Variants in LRRC61 observed in about 807,000 individuals in gnomAD.
LRRC61 encodes the protein leucine rich repeat containing 61.
Under a neutral mutation model 15.1 loss-of-function variants are expected in LRRC61, and 9 were observed. That is an observed-to-expected ratio of 0.60 (90% CI 0.36 to 1.04). The LOEUF (loss-of-function observed/expected upper bound fraction) is 1.04, where lower values mean the gene tolerates loss of function less well. LRRC61 is among the 50% of genes least tolerant of loss of function. The probability of loss-of-function intolerance (pLI) is 0.01; values close to 1 mark genes in which losing one functional copy is unlikely to be tolerated. For synonymous variants in LRRC61, 173 were observed against 158.6 expected, an observed-to-expected ratio of 1.09 and a Z score of -0.68; for missense variants, 344 against 335.6, an observed-to-expected ratio of 1.03 and a Z score of -0.20.
In LRRC61 at chr7:150,330,443, G is replaced by C; in HGVS notation, c.-145+4433G>C. 6.4e-6 allele frequency: 5 copies of C among 776,546 alleles called. No homozygotes were observed. Among genetic ancestry groups the C allele is most frequent in the Non-Finnish European group, 9.6e-6 (4 of 418,102 alleles). The allele number at this position is 776,546 out of a possible 1,614,324, so 48.1% of individuals were successfully genotyped here. On this transcript the variant is annotated intron_variant, in intron 2 of 2. Transcript: ENST00000359623. This position sits in a 1 kb window ranked among gnomAD's most constrained non-coding sequence, Gnocchi z 4.6. ...AGGCGAGTGCGGCACAGGCCTCTCT[G>C]AGCCAGGTGCTGCCCCAGCTGCGCT... is the stretch of plus-strand genomic sequence containing the variant.
Position 150,333,463 on chromosome 7 carries a change from G to A in LRRC61, c.-144-3255G>A, listed in dbSNP as rs1407295761. Among the ~76,000 whole-genome samples, 1 of 152,194 alleles carries A rather than the reference G, an allele frequency of 6.6e-6. No individual in the cohort carries two copies. The highest frequency in any genetic ancestry group is 1.5e-5 in the Non-Finnish European group (1 of 68,028). Reference sequence around the variant, plus strand: ...CCAGATGGCAGTAATGCCAGGGTTGGGAAGCCCTCTTCTAGAGCGTTAGAG... The same window carrying A: ...CCAGATGGCAGTAATGCCAGGGTTGAGAAGCCCTCTTCTAGAGCGTTAGAG... On this transcript the variant is annotated intron_variant, in intron 2 of 2. Coordinates refer to ENST00000359623, the MANE Select transcript of LRRC61 (RefSeq NM_001142928.2). The surrounding 1 kb of genome is among the most constrained non-coding windows in gnomAD (Gnocchi z 4.3).
chr7:150,336,954 GTCCA>G lies in LRRC61; in HGVS notation c.97_100del (p.Ile33CysfsTer3). ...CACGCACAGGCGAGTTCTCCCTGGAGTCCATCCTGCTACTGAAGCTGCGTGGCTT... is the reference window on the plus strand; with the variant it reads ...CACGCACAGGCGAGTTCTCCCTGGAGTCCTGCTACTGAAGCTGCGTGGCTT... On this transcript the variant is annotated frameshift_variant, in exon 3 of 3. Coordinates refer to ENST00000359623, the MANE Select transcript of LRRC61 (RefSeq NM_001142928.2). LOFTEE classifies it high-confidence loss of function. The G allele has an allele frequency of 6.2e-7, 1 of 1,613,966 alleles. No homozygotes were observed. The highest frequency in any genetic ancestry group is 1.1e-5 in the South Asian group (1 of 91,090).
chr7:150,320,522 G>T (rs1450016930), upstream of LRRC61, among the ~76,000 whole-genome samples: 2 of 152,182 alleles, frequency 1.3e-5, no homozygotes, highest in African/African-American at 4.8e-5. Context: ...CAGCACTTCG[G>T]GAGGCTGAGG....
chr7:150,334,059 C>T (rs554978627), intron 2 of LRRC61: 1 of 985,406 alleles, frequency 1.0e-6, no homozygotes, highest in African/African-American at 1.7e-5. Flanking sequence ...GGTCTTTCTG[C>T]TCCGTTTCCT....
chr7:150,321,143 T>A (rs2129617721), upstream of LRRC61, among the ~76,000 whole-genome samples: 1 of 152,276 alleles, frequency 6.6e-6, no homozygotes, highest in African/African-American at 2.4e-5. Flanking sequence ...AGCAAAAATC[T>A]CCCTAACCTT....
upstream of LRRC61, among the ~76,000 whole-genome samples, chr7:150,319,981 C>T (rs1040970123): frequency 6.6e-6 from 1 of 152,222 alleles, no homozygotes; most frequent in Admixed American, 6.5e-5. Context: ...CATTTCCTTC[C>T]GTTCTTCCTC....
Position 150,331,029 on chromosome 7 carries a change from C to T in LRRC61, c.-145+5019C>T, listed in dbSNP as rs140450745. 5,946 of 1,611,896 alleles carry T rather than the reference C, an allele frequency of 3.7e-3. 24 individuals carry two copies. Among genetic ancestry groups the T allele is most frequent in the Admixed American group, 4.3e-3 (257 of 60,016 alleles). On this transcript the variant is annotated intron_variant, in intron 2 of 2. Transcript: ENST00000359623. ...GTGGGAGAATGAGACCGTTGGAGCC[C>T]AGGATGACCCCCTGGCTTACTGGGA...
intron 2 of LRRC61, chr7:150,331,033 A>G: frequency 5.0e-6 from 8 of 1,612,028 alleles, no homozygotes; most frequent in Non-Finnish European, 6.8e-6. Context: ...GGAGCCCAGG[A>G]TGACCCCCTG....
intron 1 of LRRC61, among the ~76,000 whole-genome samples, chr7:150,324,960 C>T (rs1410089220): frequency 6.6e-6 from 1 of 152,164 alleles, no homozygotes; most frequent in Non-Finnish European, 1.5e-5. Context: ...TTTTCCTTGT[C>T]TCTCCCCTCT....
upstream of LRRC61, among the ~76,000 whole-genome samples, chr7:150,318,839 T>C (rs113574526): frequency 4.0e-3 from 612 of 152,336 alleles, 7 homozygotes; most frequent in African/African-American, 0.014. Context: ...TTGCTTTAGA[T>C]CAGTGTTTCT....
chr7:150,330,803 C>T lies in LRRC61; in HGVS notation c.-145+4793C>T. 3.1e-6 allele frequency: 5 copies of T among 1,612,068 alleles called. No homozygotes were observed. Among genetic ancestry groups the T allele is most frequent in the Non-Finnish European group, 4.2e-6 (5 of 1,178,922 alleles). On this transcript the variant is annotated intron_variant, in intron 2 of 2. Transcript: ENST00000359623. This position sits in a 1 kb window ranked among gnomAD's most constrained non-coding sequence, Gnocchi z 4.6. Reference sequence around the variant, plus strand: ...GCCCCAGGGGTCTGTGCGTGGACCCCACCAGGGTAGCCAAGAGCTCCGGGG... The same window carrying T: ...GCCCCAGGGGTCTGTGCGTGGACCCTACCAGGGTAGCCAAGAGCTCCGGGG...
In LRRC61 at chr7:150,337,469, G is replaced by C; in HGVS notation, c.608G>C (p.Gly203Ala). The change falls in exon 3 of 3, where the codon GGC (glycine) becomes GCC (alanine). Residue 203 changes from glycine to alanine, a missense_variant. Gly to Ala is a moderately conservative substitution (Grantham distance 60). Transcript: ENST00000359623. ...GAGGCCCAGCCCTGGGTGGAGCCAG[G>C]CTACTGGGAGTCCTGGCCCAGCCGG... ...ATEAQPWVEP[G>A]YWESWPSRSS... 6.2e-7 allele frequency: 1 copy of C among 1,603,402 alleles called. No individual in the cohort carries two copies. Among genetic ancestry groups the C allele is most frequent in the South Asian group, 1.1e-5 (1 of 91,048 alleles).
Position 150,323,448 on chromosome 7 carries a change from C to A in LRRC61, c.-427C>A, listed in dbSNP as rs1490824314. On this transcript the variant is annotated 5_prime_UTR_variant, in exon 1 of 3. Transcript: ENST00000359623. The stretch of plus-strand genomic sequence containing the variant: ...GGGTCAGGGGCCGCCAGGCGGCGGG[C>A]GGCGGGGCTGCGGCTCTTACCTGCC... 2.8e-6 allele frequency: 1 copy of A among 352,414 alleles called. No individual in the cohort carries two copies. Among genetic ancestry groups the A allele is most frequent in the Admixed American group, 4.2e-5 (1 of 23,984 alleles). 21.8% of individuals were successfully genotyped at this position (352,414 alleles called of 1,614,324 possible). A position where few individuals can be genotyped will look rare whatever the true frequency, so the allele number is the denominator to read the frequency against.
the LRRC61 span, among the ~76,000 whole-genome samples, chr7:150,316,736 G>T: frequency 6.6e-6 from 1 of 151,940 alleles, no homozygotes; most frequent in African/African-American, 2.4e-5. Context: ...TGCCCACTTC[G>T]GCCTTCCGAA....
upstream of LRRC61, chr7:150,323,225 T>A (rs1797742016): frequency 2.0e-5 from 5 of 243,912 alleles, 1 homozygote; most frequent in Admixed American, 3.0e-4. Context: ...AGGAGGAACG[T>A]ACCAACTGCG....
chr7:150,317,449 T>C, the LRRC61 span, among the ~76,000 whole-genome samples: 14 of 152,358 alleles, frequency 9.2e-5, no homozygotes, highest in African/African-American at 3.4e-4. Context: ...TGAATTATTT[T>C]ATTAGCTGTA....
At chr7:150,321,121 C>T (rs1797465082), upstream of LRRC61, among the ~76,000 whole-genome samples, 1 of 152,168 alleles carries the variant, frequency 6.6e-6, no homozygotes, top group South Asian at 2.1e-4. Flanking sequence ...CTGATCACCT[C>T]GGCTTGTGTT....
At chr7:150,329,348 C>T (rs1262557807) in intron 2 of LRRC61, among the ~76,000 whole-genome samples, 8 of 152,230 alleles carry the variant, frequency 5.3e-5, no homozygotes, top group Non-Finnish European at 8.8e-5. Context: ...ACGGACGTAT[C>T]GGTGACACAG....
chr7:150,326,682 G>GAA (rs34287911), intron 2 of LRRC61, among the ~76,000 whole-genome samples: 10 of 130,498 alleles, frequency 7.7e-5, no homozygotes, highest in Admixed American at 4.0e-4. Flanking sequence ...GACCCAGTCT[G>GAA]AAAAAAAAAA....
Sources: gnomAD v4.1 joint callset for allele counts (sites outside exome capture counted in the v4.1 genomes callset) on GRCh38, gnomAD v4.1.1 for gene constraint, Gnocchi (gnomAD v3.1) non-coding constraint, MANE v1.5 for transcripts, NCBI Gene and HGNC (gene_info 2026-07-23, HGNC 2026-07-21) for gene names.